KIAA0586: variants seen among roughly 807,000 people sequenced by gnomAD.
KIAA0586 encodes the protein KIAA0586, also known as protein TALPID3.
In KIAA0586, 144 loss-of-function variants were observed where a neutral mutation model predicts 169.8. The observed-to-expected ratio is 0.85, with a 90% CI of 0.74 to 0.97. The LOEUF (loss-of-function observed/expected upper bound fraction) is 0.97. KIAA0586 is among the 50% of genes least tolerant of loss of function. KIAA0586 has a pLI of 0.00. For missense variants in KIAA0586, 1,854 were observed against 1,823.0 expected (o/e 1.02, Z -0.31); for synonymous variants, 625 against 612.4 (o/e 1.02, Z -0.30).
chr14:58,453,516 T>G (rs2039575679), intron 9 of KIAA0586, 43 bp downstream of exon 9: 1 of 1,359,032 alleles, frequency 7.4e-7, no homozygotes, highest in Non-Finnish European at 9.8e-7. Context: ...TGAAAAGAGT[T>G]TTGTTAAGAT....
rs774592908 is a variant in KIAA0586, at chr14:58,460,033, G to C, written c.1847G>C (p.Gly616Ala). 3.9e-5 allele frequency: 59 copies of C among 1,531,612 alleles called. No homozygotes were observed. Among genetic ancestry groups the C allele is most frequent in the Middle Eastern group, 1.7e-4 (1 of 5,800 alleles). 94.9% of individuals were successfully genotyped at this position (1,531,612 alleles called of 1,614,324 possible). ...EEHFRNLPMR[G>A]MPASSLQKER... ...CATTTTAGAAATCTACCTATGAGGGGCATGCCTGCTTCAAGTTTACAGAAA... is the reference window on the plus strand; with the variant it reads ...CATTTTAGAAATCTACCTATGAGGGCCATGCCTGCTTCAAGTTTACAGAAA... Residue 616 changes from glycine (G) to alanine (A), a missense_variant, in exon 13 of 31, where the codon GGC (glycine) becomes GCC (alanine). Physicochemically the swap from Gly to Ala is moderately conservative, Grantham distance 60. Transcript: ENST00000652326.
chr14:58,536,584 C>T (rs2046305613), intron 29 of KIAA0586, among the ~76,000 whole-genome samples: 1 of 152,120 alleles, frequency 6.6e-6, no homozygotes, highest in Non-Finnish European at 1.5e-5. Flanking sequence ...CCAGAGATAG[C>T]AACAATATTT....
At position 58,540,143 on chromosome 14, in the gene KIAA0586, T is replaced by C. The variant is rs201508555; in HGVS notation, c.4495+7T>C. ...CTCACATGTGTATTTTCAGGTAAGA[T>C]TTTTACTTTAAAAGTTCTTGAACTT... On this transcript the variant is annotated splice_region_variant and intron_variant, in intron 30 of 30. Coordinates refer to ENST00000652326, the MANE Select transcript of KIAA0586 (RefSeq NM_001329943.3). 2.6e-6 allele frequency: 4 copies of C among 1,511,922 alleles called. No homozygotes were observed. The highest frequency in any genetic ancestry group is 3.6e-6 in the Non-Finnish European group (4 of 1,110,978). The allele number at this position is 1,511,922 out of a possible 1,614,324, so 93.7% of individuals were successfully genotyped here.
Position 58,487,039 on chromosome 14 carries a change from G to T in KIAA0586, c.3177G>T (p.Gln1059His). 6.2e-7 allele frequency: 1 copy of T among 1,613,276 alleles called. No individual in the cohort carries two copies. Among genetic ancestry groups the T allele is most frequent in the African/African-American group, 1.3e-5 (1 of 75,012 alleles). The change falls in exon 22 of 31, where the codon CAG becomes CAT. Residue 1059 changes from glutamine to histidine, a missense_variant. Gln to His is a conservative substitution (Grantham distance 24, BLOSUM62 0). Coordinates refer to ENST00000652326, the MANE Select transcript of KIAA0586 (RefSeq NM_001329943.3). Reference sequence around the variant, plus strand: ...TGTGCACCCCACTGCCTACCCCACAGCCTACGCCTCCTTGCTCACCTTCAT... The same window carrying T: ...TGTGCACCCCACTGCCTACCCCACATCCTACGCCTCCTTGCTCACCTTCAT... Reference protein sequence around the residue: ...ARVCTPLPTPQPTPPCSPSSP... With the variant: ...ARVCTPLPTPHPTPPCSPSSP...
chr14:58,431,327 A>G (rs1288838819), intron 3 of KIAA0586, among the ~76,000 whole-genome samples: 1 of 152,112 alleles, frequency 6.6e-6, no homozygotes, highest in African/African-American at 2.4e-5. Context: ...CAGTGGCGTA[A>G]TCTCAGCTCA....
the KIAA0586 span, among the ~76,000 whole-genome samples, chr14:58,559,790 C>T: frequency 3.9e-5 from 6 of 152,112 alleles, no homozygotes; most frequent in Non-Finnish European, 5.9e-5. Flanking sequence ...GTAAACCTCT[C>T]ATCAATGAGA....
At chr14:58,495,325 A>G (rs1398002170) in intron 26 of KIAA0586, among the ~76,000 whole-genome samples, 1 of 151,934 alleles carries the variant, frequency 6.6e-6, no homozygotes, top group Non-Finnish European at 1.5e-5. Flanking sequence ...TCTTTTTGAG[A>G]CAGAGTTTCA....
At chr14:58,497,735 CAATT>C (rs2043259843) in intron 26 of KIAA0586, among the ~76,000 whole-genome samples, 1 of 152,030 alleles carries the variant, frequency 6.6e-6, no homozygotes, top group Non-Finnish European at 1.5e-5. Context: ...TTCTCCTCAT[CAATT>C]GTTTATTGTA....
In KIAA0586 at chr14:58,465,302, G is replaced by T. The variant is rs150462989; in HGVS notation, c.2060-533G>T. Among the ~76,000 whole-genome samples, 45 of 152,240 alleles carry T rather than the reference G, an allele frequency of 3.0e-4. No individual in the cohort carries two copies. In the East Asian group the frequency reaches 8.5e-3, roughly 29 times the overall value. On this transcript the variant is annotated intron_variant, in intron 14 of 30. Coordinates refer to ENST00000652326, the MANE Select transcript of KIAA0586 (RefSeq NM_001329943.3). Reference sequence around the variant, plus strand: ...AGCTGGTTATTCAGAATTATGTTGTGTGTAAAGGTGTAATGAGAAAATGAA... The same window carrying T: ...AGCTGGTTATTCAGAATTATGTTGTTTGTAAAGGTGTAATGAGAAAATGAA...
intron 21 of KIAA0586, among the ~76,000 whole-genome samples, chr14:58,486,487 CA>C (rs756839434): frequency 2.0e-5 from 3 of 151,902 alleles, no homozygotes; most frequent in Non-Finnish European, 4.4e-5. Context: ...AGAAGACATA[CA>C]AGCAGTCAAC....
intron 29 of KIAA0586, among the ~76,000 whole-genome samples, chr14:58,523,719 A>G (rs2045377669): frequency 1.3e-5 from 2 of 149,030 alleles, no homozygotes; most frequent in Non-Finnish European, 3.0e-5. Flanking sequence ...TTTTAATTGA[A>G]TATTATTATT....
Position 58,507,029 on chromosome 14 carries a change from TC to T in KIAA0586, c.4169-1523del, listed in dbSNP as rs539727192. ...CAAGTGTGGTAGCGCACACCTGTAG[TC>T]CCAGCTACTCAGGATGCTGAGGTAG... On this transcript the variant is annotated intron_variant, in intron 27 of 30. Transcript: ENST00000652326. Among the ~76,000 whole-genome samples, 264 of 151,748 alleles carry T rather than the reference TC, an allele frequency of 1.7e-3. 1 individual carries two copies. Among genetic ancestry groups the T allele is most frequent in the Middle Eastern group, 6.8e-3 (2 of 294 alleles).
chr14:58,521,119 T>C, intron 29 of KIAA0586: 1 of 484,918 alleles, frequency 2.1e-6, no homozygotes, highest in South Asian at 2.1e-5. Context: ...TACCCGGGAA[T>C]AGGAGTCTCA....
intron 4 of KIAA0586, among the ~76,000 whole-genome samples, chr14:58,441,556 A>G (rs1350985312): frequency 1.2e-4 from 19 of 152,140 alleles, no homozygotes; most frequent in Admixed American, 1.2e-3. Context: ...CAATAATGGA[A>G]AAACCACAGC....
At chr14:58,439,401 A>G (rs2038107406) in intron 4 of KIAA0586, among the ~76,000 whole-genome samples, 1 of 151,966 alleles carries the variant, frequency 6.6e-6, no homozygotes, top group South Asian at 2.1e-4. Context: ...GTTAGCCAGG[A>G]TGGTCTCGAT....
downstream of KIAA0586, among the ~76,000 whole-genome samples, chr14:58,553,496 G>A (rs1434131626): frequency 6.6e-6 from 1 of 151,786 alleles, no homozygotes; most frequent in Non-Finnish European, 1.5e-5. Flanking sequence ...ATTTTACACG[G>A]GAGTCAGTTC....
intron 30 of KIAA0586, chr14:58,543,804 G>T: frequency 2.4e-6 from 1 of 413,838 alleles, no homozygotes; most frequent in Non-Finnish European, 4.7e-6. Context: ...TATTTTTATA[G>T]ATCCGTCTCC....
intron 7 of KIAA0586, among the ~76,000 whole-genome samples, chr14:58,449,373 TA>T (rs2039163139): frequency 6.6e-6 from 1 of 151,952 alleles, no homozygotes; most frequent in African/African-American, 2.4e-5. Flanking sequence ...GAAATAAAAA[TA>T]AAAAATTATC....
chr14:58,496,284 TGAG>T (rs1025729895), intron 26 of KIAA0586, among the ~76,000 whole-genome samples: 1 of 152,202 alleles, frequency 6.6e-6, no homozygotes, highest in Non-Finnish European at 1.5e-5. Flanking sequence ...GAGATACTTA[TGAG>T]TATGAGACCA....
Sources: gnomAD v4.1 joint callset for allele counts (sites outside exome capture counted in the v4.1 genomes callset) on GRCh38, gnomAD v4.1.1 for gene constraint, MANE v1.5 for transcripts, NCBI Gene and HGNC (gene_info 2026-07-23, HGNC 2026-07-21) for gene names.